Variants in PRIM2 observed in about 807,000 individuals in gnomAD.
PRIM2 encodes DNA primase subunit 2.
A neutral mutation model predicts 67.3 loss-of-function variants in PRIM2; 39 were observed. That is an observed-to-expected ratio of 0.58 (90% confidence interval 0.45 to 0.76). The LOEUF (loss-of-function observed/expected upper bound fraction) is 0.76. PRIM2 is among the 30% of genes least tolerant of loss of function. The pLI is 0.00. For missense variants in PRIM2, 398 were observed against 598.7 expected (o/e 0.66, Z 3.50); for synonymous variants, 143 against 198.7 (o/e 0.72, Z 2.36).
intron 10 of PRIM2, among the ~76,000 whole-genome samples, chr6:57,560,744 T>G (rs1268490615): frequency 2.6e-5 from 4 of 151,986 alleles, no homozygotes; most frequent in Non-Finnish European, 5.9e-5. Flanking sequence ...CAGTAATATT[T>G]TGTAAGGAAT....
intron 8 of PRIM2, among the ~76,000 whole-genome samples, chr6:57,524,203 CCTTT>C (rs1239219512): frequency 6.6e-6 from 1 of 152,152 alleles, no homozygotes; most frequent in East Asian, 1.9e-4. Flanking sequence ...AAAGTCTTAA[CCTTT>C]CTCTTTTCAG....
chr6:57,464,887 G>C (rs1318860518), intron 7 of PRIM2, among the ~76,000 whole-genome samples: 5 of 152,034 alleles, frequency 3.3e-5, no homozygotes, highest in Non-Finnish European at 7.4e-5. Context: ...TTTAAGGTAG[G>C]TACTATTACC....
chr6:57,628,326 G>A (rs1312929211), intron 12 of PRIM2, among the ~76,000 whole-genome samples: 1 of 152,096 alleles, frequency 6.6e-6, no homozygotes, highest in Non-Finnish European at 1.5e-5. Context: ...GTCCTGGCCT[G>A]CCATCTTGGG....
the PRIM2 span, among the ~76,000 whole-genome samples, chr6:57,307,877 A>G: frequency 6.6e-6 from 1 of 152,160 alleles, no homozygotes; most frequent in African/African-American, 2.4e-5. Context: ...AAATCTGTTT[A>G]TATGGTCCAT....
intron 5 of PRIM2, among the ~76,000 whole-genome samples, chr6:57,375,876 A>G (rs1205769504): frequency 6.6e-6 from 1 of 151,958 alleles, no homozygotes; most frequent in East Asian, 1.9e-4. Context: ...ATTTGAGACT[A>G]GGCTGGGTAA....
the PRIM2 span, among the ~76,000 whole-genome samples, chr6:57,225,934 A>G: frequency 6.6e-6 from 1 of 152,198 alleles, no homozygotes; most frequent in Admixed American, 6.5e-5. Context: ...AATTTTTTCT[A>G]GTACTTTCTA....
chr6:57,473,545 C>G (rs1438552194), intron 7 of PRIM2, among the ~76,000 whole-genome samples: 73 of 152,236 alleles, frequency 4.8e-4, no homozygotes, highest in African/African-American at 1.7e-3. Flanking sequence ...GCAGTCAAGA[C>G]TGAAAACACA....
chr6:57,290,907 T>A, the PRIM2 span, among the ~76,000 whole-genome samples: 5 of 152,280 alleles, frequency 3.3e-5, no homozygotes, highest in East Asian at 9.7e-4. Context: ...AGGAAAGATC[T>A]AAAATGGACA....
intron 7 of PRIM2, among the ~76,000 whole-genome samples, chr6:57,426,714 A>G (rs1771638319): frequency 6.6e-6 from 1 of 152,258 alleles, no homozygotes. Flanking sequence ...AGCTTTATTC[A>G]TAATAGCCAC....
chr6:57,388,465 G>A (rs1333387977), intron 7 of PRIM2, among the ~76,000 whole-genome samples: 3 of 152,174 alleles, frequency 2.0e-5, no homozygotes, highest in African/African-American at 7.2e-5. Flanking sequence ...TAATGATGAT[G>A]ATGATGAGAG....
At chr6:57,258,979 A>G in the PRIM2 span, among the ~76,000 whole-genome samples, 12 of 152,348 alleles carry the variant, frequency 7.9e-5, no homozygotes, top group Admixed American at 2.6e-4. Flanking sequence ...GAAATAAAAT[A>G]TACAAATATT....
chr6:57,584,590 A>C (rs1431577645), intron 10 of PRIM2, among the ~76,000 whole-genome samples: 1 of 152,202 alleles, frequency 6.6e-6, no homozygotes, highest in African/African-American at 2.4e-5. Context: ...AATGTTCTCC[A>C]TGACTTCAGG....
At chr6:57,635,873 T>C (rs1777113432) in intron 13 of PRIM2, among the ~76,000 whole-genome samples, 1 of 152,232 alleles carries the variant, frequency 6.6e-6, no homozygotes, top group African/African-American at 2.4e-5. Flanking sequence ...TGGAGTGACC[T>C]TTAAAATAGA....
At chr6:57,296,151 A>T in the PRIM2 span, among the ~76,000 whole-genome samples, 2 of 152,172 alleles carry the variant, frequency 1.3e-5, no homozygotes, top group African/African-American at 4.8e-5. Flanking sequence ...AACAAATCTC[A>T]ATAACTCTGG....
chr6:57,278,889 T>TGGA, the PRIM2 span, among the ~76,000 whole-genome samples: 1 of 152,352 alleles, frequency 6.6e-6, no homozygotes, highest in Admixed American at 6.5e-5. Flanking sequence ...AACATTACTC[T>TGGA]GGAAATCTGT....
At position 57,371,477 on chromosome 6, in the gene PRIM2, A is replaced by G. The variant is rs541755157; in HGVS notation, c.460-8424A>G. On this transcript the variant is annotated intron_variant, in intron 5 of 13. Coordinates refer to ENST00000615550, the MANE Select transcript of PRIM2 (RefSeq NM_000947.5). The stretch of plus-strand genomic sequence containing the variant: ...ACTAGTTTCTTTATTGCTGGGTAAA[A>G]GGTGATTATAAAAGGATCATGACAG... Among the ~76,000 whole-genome samples, 16 of 152,294 alleles carry G rather than the reference A, an allele frequency of 1.1e-4. No individual in the cohort carries two copies. The East Asian group carries it at 1.3e-3, about 13-fold the overall frequency.
In PRIM2 at chr6:57,357,254, A is replaced by G. The variant is rs1769059968; in HGVS notation, c.460-22647A>G. On this transcript the variant is annotated intron_variant, in intron 5 of 13. Coordinates refer to ENST00000615550, the MANE Select transcript of PRIM2 (RefSeq NM_000947.5). ...CCTATCCAATCCATTCTTTACCCTGAAGCAAGAGTGCAGATATTTACAGAT... is the reference window on the plus strand; with the variant it reads ...CCTATCCAATCCATTCTTTACCCTGGAGCAAGAGTGCAGATATTTACAGAT... Among the ~76,000 whole-genome samples, 4 of 152,230 alleles carry G rather than the reference A, an allele frequency of 2.6e-5. No individual in the cohort carries two copies. In the South Asian group the frequency reaches 8.3e-4, roughly 32 times the overall value.
At chr6:57,423,763 T>C (rs1225503732) in intron 7 of PRIM2, among the ~76,000 whole-genome samples, 1 of 152,210 alleles carries the variant, frequency 6.6e-6, no homozygotes, top group African/African-American at 2.4e-5. Context: ...TGCTGCCTGG[T>C]GGGTATATCC....
intron 5 of PRIM2, among the ~76,000 whole-genome samples, chr6:57,361,895 T>C (rs1447582987): frequency 6.6e-6 from 1 of 151,920 alleles, no homozygotes; most frequent in African/African-American, 2.4e-5. Context: ...ACAAGGGTTA[T>C]AGGGGGAAAA....
Sources: allele counts gnomAD v4.1 joint callset (sites outside exome capture counted in the v4.1 genomes callset), GRCh38; gene constraint gnomAD v4.1.1; transcripts MANE v1.5; gene names NCBI Gene and HGNC (gene_info 2026-07-23, HGNC 2026-07-21).